The following SMC2 variants were observed in gnomAD, a reference collection of about 807,000 sequenced individuals.
SMC2 encodes the protein structural maintenance of chromosomes 2, also known as structural maintenance of chromosomes protein 2.
A neutral mutation model predicts 142.6 loss-of-function variants in SMC2; 41 were observed. That is an observed-to-expected ratio of 0.29 (90% CI 0.22 to 0.37). SMC2 has a LOEUF of 0.37. Among genes scored for constraint, SMC2 ranks in the 10% least tolerant of loss-of-function variants. The pLI, the probability that SMC2 is intolerant of heterozygous loss-of-function variation, is 1.00. For synonymous variants in SMC2, 463 were observed against 457.5 expected, an observed-to-expected ratio of 1.01 and a Z score of -0.15; for missense variants, 1,265 against 1,373.7, an observed-to-expected ratio of 0.92 and a Z score of 1.25.
rs139101099 is a variant in SMC2, at chr9:104,129,458, C to T, written c.2791-187C>T. Among the ~76,000 whole-genome samples the T allele has an allele frequency of 8.0e-5, 12 of 150,598 alleles. No individual in the cohort carries two copies. The South Asian group carries it at 1.1e-3, about 13-fold the overall frequency. Reference sequence around the variant, plus strand: ...TGTAAGTTGCGGTCAGCCAAGATCGCGCCATTGCACTCCAGCTTGGGCAAC... The same window carrying T: ...TGTAAGTTGCGGTCAGCCAAGATCGTGCCATTGCACTCCAGCTTGGGCAAC... On this transcript the variant is annotated intron_variant, in intron 20 of 24. Coordinates refer to ENST00000374793, the MANE Select transcript of SMC2 (RefSeq NM_006444.3).
At position 104,129,682 on chromosome 9, in the gene SMC2, C is replaced by G; in HGVS notation, c.2828C>G (p.Ala943Gly). ...TTGAAAGATTATGACTGGATTAATGCAGAGAGACACCTCTTTGGCCAACCC... is the reference window on the plus strand; with the variant it reads ...TTGAAAGATTATGACTGGATTAATGGAGAGAGACACCTCTTTGGCCAACCC... ...KMLKDYDWIN[A>G]ERHLFGQPNS... Residue 943 changes from alanine to glycine, a missense_variant, in exon 21 of 25, where the codon GCA becomes GGA. Physicochemically the swap from Ala to Gly is moderately conservative, Grantham distance 60 (BLOSUM62 0). Coordinates refer to ENST00000374793, the MANE Select transcript of SMC2 (RefSeq NM_006444.3). 1 of 1,613,878 alleles carries G rather than the reference C, an allele frequency of 6.2e-7. No individual in the cohort carries two copies. Among genetic ancestry groups the G allele is most frequent in the Non-Finnish European group, 8.5e-7 (1 of 1,179,876 alleles).
upstream of SMC2, among the ~76,000 whole-genome samples, chr9:104,089,587 T>C (rs1040324543): frequency 6.6e-6 from 1 of 152,124 alleles, no homozygotes; most frequent in Non-Finnish European, 1.5e-5. Context: ...AAGCCAAGGA[T>C]AGCTGGAAAA....
Position 104,098,845 on chromosome 9 carries a change from A to AC in SMC2, c.441+277_441+278insC, listed in dbSNP as rs559962350. On this transcript the variant is annotated intron_variant, in intron 4 of 24. Transcript: ENST00000374793. Reference sequence around the variant, plus strand: ...ACAATACATGTTAACTGTAAAAAAAAAAAAGCCATAATATATCCTTTTAAA... The same window carrying AC: ...ACAATACATGTTAACTGTAAAAAAAACAAAAGCCATAATATATCCTTTTAAA... Among the ~76,000 whole-genome samples the AC allele has an allele frequency of 1.9e-3, 296 of 151,908 alleles. 4 individuals are homozygous for AC. Among genetic ancestry groups the AC allele is most frequent in the African/African-American group, 6.8e-3 (283 of 41,486 alleles).
chr9:104,125,690 T>C (rs1834191139), intron 18 of SMC2, among the ~76,000 whole-genome samples: 1 of 152,160 alleles, frequency 6.6e-6, no homozygotes, highest in Non-Finnish European at 1.5e-5. Flanking sequence ...GAATGTGCAC[T>C]GTGAGAGCAT....
At position 104,102,420 on chromosome 9, in the gene SMC2, A is replaced by G. The variant is rs774461372; in HGVS notation, c.871-4A>G. 5 of 1,591,172 alleles carry G rather than the reference A, an allele frequency of 3.1e-6. No individual in the cohort carries two copies. Among genetic ancestry groups the G allele is most frequent in the South Asian group, 1.2e-5 (1 of 86,592 alleles). ...GTGATTGAATTGACTGCATTTTGTT[A>G]TAGGAAACTGGAGGTATACTTCGAT... On this transcript the variant is annotated splice_polypyrimidine_tract_variant and splice_region_variant and intron_variant, in intron 8 of 24. Coordinates refer to ENST00000374793, the MANE Select transcript of SMC2 (RefSeq NM_006444.3).
rs755092561 is a variant in SMC2 at position 104,132,135 on chromosome 9, ATGTT to A, written c.3108+16_3108+19del. 2.9e-6 allele frequency: 4 copies of A among 1,389,548 alleles called. No individual in the cohort carries two copies. The African/African-American group carries it at 5.8e-5, about 20-fold the overall frequency. The allele number at this position is 1,389,548 out of a possible 1,614,324, so 86.1% of individuals were successfully genotyped here. Reference sequence around the variant, plus strand: ...TATTGCATGGCAAAAGGTACTTTTTATGTTTGTTTTATATGAGGTTGCAAGGATG... The same window carrying A: ...TATTGCATGGCAAAAGGTACTTTTTATGTTTTATATGAGGTTGCAAGGATG... On this transcript the variant is annotated intron_variant, in intron 22 of 24. Transcript: ENST00000374793.
chr9:104,131,009 C>T (rs745875460), intron 21 of SMC2, among the ~76,000 whole-genome samples: 4 of 151,868 alleles, frequency 2.6e-5, no homozygotes, highest in South Asian at 2.1e-4. Flanking sequence ...GTTAGGGGAG[C>T]GTGGCTGTAA....
chr9:104,104,017 A>C (rs1481298009), intron 9 of SMC2, among the ~76,000 whole-genome samples: 1 of 152,076 alleles, frequency 6.6e-6, no homozygotes, highest in Non-Finnish European at 1.5e-5. Flanking sequence ...TAAGCTTCAC[A>C]CACTGATTGC....
In SMC2 at chr9:104,127,495, G is replaced by A. The variant is rs180840462; in HGVS notation, c.2790+15G>A. On this transcript the variant is annotated intron_variant, in intron 20 of 24. Coordinates refer to ENST00000374793, the MANE Select transcript of SMC2 (RefSeq NM_006444.3). ...GTGCTGCAAAGGTATACGTTTGTGTGCATTTTTTATACTAAATCAAATTTT... is the reference window on the plus strand; with the variant it reads ...GTGCTGCAAAGGTATACGTTTGTGTACATTTTTTATACTAAATCAAATTTT... 6.6e-4 allele frequency: 993 copies of A among 1,498,528 alleles called. 7 individuals carry two copies. The African/African-American group carries it at 0.011, about 17-fold the overall frequency. The allele number at this position is 1,498,528 out of a possible 1,614,324, so 92.8% of individuals were successfully genotyped here.
At chr9:104,110,689 T>C (rs1021463573) in intron 9 of SMC2, among the ~76,000 whole-genome samples, 3 of 152,202 alleles carry the variant, frequency 2.0e-5, no homozygotes, top group African/African-American at 7.2e-5. Flanking sequence ...CTCACTGTGC[T>C]CCTAGTCCGG....
chr9:104,106,965 C>G (rs1179255107), intron 9 of SMC2, among the ~76,000 whole-genome samples: 1 of 152,086 alleles, frequency 6.6e-6, no homozygotes, highest in Non-Finnish European at 1.5e-5. Flanking sequence ...TCAGTAAACC[C>G]CGCCATACTA....
intron 5 of SMC2, 104 bp from the exon 6 acceptor site, chr9:104,099,989 G>A: frequency 1.4e-6 from 1 of 703,694 alleles, no homozygotes. Context: ...GCCAACTTTT[G>A]GTAAGATGTT....
chr9:104,125,750 C>T (rs1834196559), intron 18 of SMC2, among the ~76,000 whole-genome samples: 1 of 152,146 alleles, frequency 6.6e-6, no homozygotes, highest in East Asian at 1.9e-4. Flanking sequence ...CAGTTGTAAA[C>T]TGATGATACT....
At chr9:104,099,018 A>C (rs1341522929) in intron 4 of SMC2, among the ~76,000 whole-genome samples, 2 of 152,138 alleles carry the variant, frequency 1.3e-5, no homozygotes, top group African/African-American at 2.4e-5. Flanking sequence ...AGAGAATTAT[A>C]GTAAAGTCGA....
At chr9:104,106,243 T>C (rs1831763220) in intron 9 of SMC2, among the ~76,000 whole-genome samples, 1 of 152,188 alleles carries the variant, frequency 6.6e-6, no homozygotes, top group Non-Finnish European at 1.5e-5. Context: ...AGGATGTTCC[T>C]TGGGCAGAGT....
At chr9:104,094,955 G>T (rs974143620) in intron 1 of SMC2, 2 of 171,780 alleles carry the variant, frequency 1.2e-5, no homozygotes, top group African/African-American at 2.4e-5. Flanking sequence ...TGACATTTGA[G>T]CAAAGACGTG....
intron 11 of SMC2, 109 bp downstream of exon 11, chr9:104,113,584 T>G: frequency 1.2e-6 from 1 of 813,022 alleles, no homozygotes; most frequent in Non-Finnish European, 1.8e-6. Flanking sequence ...CTTAGCCTAT[T>G]AACAAGCATT....
At chr9:104,103,682 C>A (rs73663497) in intron 9 of SMC2, among the ~76,000 whole-genome samples, 2,977 of 152,220 alleles carry the variant, frequency 0.02, 107 homozygotes, top group African/African-American at 0.068. Context: ...TATGGCATTT[C>A]TTTTGAGGGT....
chr9:104,112,456 T>TTTTG (rs1832573573), intron 10 of SMC2, among the ~76,000 whole-genome samples: 1 of 152,208 alleles, frequency 6.6e-6, no homozygotes, highest in South Asian at 2.1e-4. Flanking sequence ...CACATCATTG[T>TTTTG]TTTGTTTTTA....
Sources: gnomAD v4.1 joint callset for allele counts (sites outside exome capture counted in the v4.1 genomes callset) on GRCh38, gnomAD v4.1.1 for gene constraint, MANE v1.5 for transcripts, NCBI Gene and HGNC (gene_info 2026-07-23, HGNC 2026-07-21) for gene names.